The following MAP6 variants were observed in gnomAD, a reference collection of about 807,000 sequenced individuals.
The protein encoded by MAP6 is microtubule associated protein 6.
In MAP6, 26 loss-of-function variants were observed where a neutral mutation model predicts 42.4. The observed-to-expected ratio is 0.61, with a 90% CI of 0.45 to 0.85. The LOEUF is 0.85. Among genes scored for constraint, MAP6 ranks in the 40% least tolerant of loss-of-function variants. MAP6 has a pLI of 0.00. For synonymous variants in MAP6, 418 were observed against 443.8 expected (o/e 0.94, Z 0.73); for missense variants, 966 against 1,099.0 (o/e 0.88, Z 1.71).
chr11:75,641,347 G>T (rs2135658746), intron 1 of MAP6, among the ~76,000 whole-genome samples: 1 of 121,032 alleles, frequency 8.3e-6, no homozygotes, highest in African/African-American at 3.1e-5. Context: ...GGTGGGGGGA[G>T]GGGGAGGGAT....
chr11:75,657,556 T>C (rs1943772730), intron 1 of MAP6, among the ~76,000 whole-genome samples: 1 of 152,212 alleles, frequency 6.6e-6, no homozygotes. Flanking sequence ...TGGCCAATAA[T>C]TGATAAACCC....
chr11:75,668,489 G>T lies in MAP6; in HGVS notation c.-120C>A, dbSNP rs1944005548. Reference sequence around the variant, plus strand: ...GTGGTTCCCACCGTTTTCTACCCCCGATCAGCCGGAGCTAGTTCGCCCTCC... The same window carrying T: ...GTGGTTCCCACCGTTTTCTACCCCCTATCAGCCGGAGCTAGTTCGCCCTCC... On this transcript the variant is annotated 5_prime_UTR_variant, in exon 1 of 4. Transcript: ENST00000304771. The T allele has an allele frequency of 1.5e-6, 2 of 1,367,818 alleles. No individual in the cohort carries two copies. Among genetic ancestry groups the T allele is most frequent in the Admixed American group, 2.6e-5 (1 of 38,888 alleles). The allele number at this position is 1,367,818 out of a possible 1,614,324, so 84.7% of individuals were successfully genotyped here. A position where few individuals can be genotyped will look rare whatever the true frequency, so the allele number is the denominator to read the frequency against.
At position 75,668,053 on chromosome 11, in the gene MAP6, G is replaced by A; in HGVS notation, c.317C>T (p.Pro106Leu). Residue 106 changes from proline (P) to leucine (L), a missense_variant, in exon 1 of 4, where the codon CCG becomes CTG. Transcript: ENST00000304771. ...GGAGGTGGAGCCGGAGCCCAGGCCC[G>A]GGCCCGGCCCGCTCCGGCCGGGGCC... ...AAGPGRSGPGPGLGSGSTSGP... is the reference protein window; with the variant it reads ...AAGPGRSGPGLGLGSGSTSGP... The A allele has an allele frequency of 8.2e-7, 1 of 1,225,500 alleles. No homozygotes were observed. The highest frequency in any genetic ancestry group is 4.0e-5 in the South Asian group (1 of 25,096). The allele number at this position is 1,225,500 out of a possible 1,614,324, so 75.9% of individuals were successfully genotyped here. A position where few individuals can be genotyped will look rare whatever the true frequency, so the allele number is the denominator to read the frequency against.
chr11:75,655,755 G>A (rs1477841996), intron 1 of MAP6, among the ~76,000 whole-genome samples: 1 of 152,246 alleles, frequency 6.6e-6, no homozygotes, highest in East Asian at 1.9e-4. Context: ...AGAATGGCAT[G>A]TTGGACTAGG....
At chr11:75,650,093 G>A (rs1223422552) in intron 1 of MAP6, among the ~76,000 whole-genome samples, 4 of 152,132 alleles carry the variant, frequency 2.6e-5, no homozygotes, top group African/African-American at 9.7e-5. Context: ...GCTCCTTCCT[G>A]TGTTCCCCAC....
At chr11:75,622,271 G>A (rs990459366) in intron 1 of MAP6, among the ~76,000 whole-genome samples, 1 of 152,018 alleles carries the variant, frequency 6.6e-6, no homozygotes, top group Admixed American at 6.5e-5. Context: ...AAGAGACAAG[G>A]TCTCACTCTG....
chr11:75,613,709 G>A (rs575954427), intron 1 of MAP6, among the ~76,000 whole-genome samples: 1 of 152,176 alleles, frequency 6.6e-6, no homozygotes, highest in Non-Finnish European at 1.5e-5. Context: ...GATATCCCCC[G>A]GTGGGTGGGT....
At chr11:75,600,513 C>T (rs1053488848) in intron 3 of MAP6, among the ~76,000 whole-genome samples, 3 of 152,224 alleles carry the variant, frequency 2.0e-5, no homozygotes, top group Non-Finnish European at 4.4e-5. Flanking sequence ...AACACATGCC[C>T]GGTTCTGTGA....
At chr11:75,588,671 A>G (rs1053401735) in intron 3 of MAP6, among the ~76,000 whole-genome samples, 2 of 151,702 alleles carry the variant, frequency 1.3e-5, no homozygotes, top group African/African-American at 4.9e-5. Flanking sequence ...TGACTCCCTG[A>G]CCCCCTTGTT....
At chr11:75,635,540 T>G (rs1943354564) in intron 1 of MAP6, among the ~76,000 whole-genome samples, 2 of 152,242 alleles carry the variant, frequency 1.3e-5, no homozygotes, top group Admixed American at 1.3e-4. Context: ...TAAAACACTT[T>G]CAATTAGTTT....
At chr11:75,604,385 C>T in intron 3 of MAP6, 1 of 985,454 alleles carries the variant, frequency 1.0e-6, no homozygotes, top group Non-Finnish European at 1.2e-6. Flanking sequence ...AGGTAAGGAA[C>T]TGTGAGACCC....
At position 75,587,923 on chromosome 11, in the gene MAP6, G is replaced by A. The variant is rs1942392722; in HGVS notation, c.1578C>T (p.Val526=). Residue 526 remains valine (V), a synonymous_variant, in exon 4 of 4, where the codon GTC becomes GTT. Coordinates refer to ENST00000304771, the MANE Select transcript of MAP6 (RefSeq NM_033063.2). ...KNESPVISAP[V]KDQGPSVPVP... ...CTGGGACCGAGGGACCTTGGTCCTT[G>A]ACTGGTGCTGAGATAACAGGGCTTT... 6.2e-7 allele frequency: 1 copy of A among 1,614,156 alleles called. No individual in the cohort carries two copies. The highest frequency in any genetic ancestry group is 1.7e-5 in the Admixed American group (1 of 60,026).
intron 1 of MAP6, among the ~76,000 whole-genome samples, chr11:75,647,489 A>G (rs1943581139): frequency 1.3e-5 from 2 of 152,086 alleles, no homozygotes; most frequent in Non-Finnish European, 2.9e-5. Context: ...ATTAGAATTA[A>G]TAAAAGAATT....
At position 75,628,437 on chromosome 11, in the gene MAP6, T is replaced by G. The variant is rs543819631; in HGVS notation, c.906-20115A>C. ...ACCTGCTGGGGGACATCAGTCACCA[T>G]GGCCACACGGGTCCAAGCGAGAGCT... On this transcript the variant is annotated intron_variant, in intron 1 of 3. Coordinates refer to ENST00000304771, the MANE Select transcript of MAP6 (RefSeq NM_033063.2). Among the ~76,000 whole-genome samples, 5 of 152,308 alleles carry G rather than the reference T, an allele frequency of 3.3e-5. No homozygotes were observed. In the South Asian group the frequency reaches 1.0e-3, roughly 32 times the overall value.
intron 3 of MAP6, among the ~76,000 whole-genome samples, chr11:75,595,413 G>C (rs928878863): frequency 6.6e-6 from 1 of 152,188 alleles, no homozygotes; most frequent in Admixed American, 6.5e-5. Flanking sequence ...TTCAGACTTG[G>C]TTCCCAGAGC....
chr11:75,602,966 G>A (rs1049247297), intron 3 of MAP6: 1 of 985,800 alleles, frequency 1.0e-6, no homozygotes, highest in Non-Finnish European at 1.2e-6. Flanking sequence ...GGCTATACAT[G>A]AATATTTTTG....
chr11:75,639,206 A>G (rs1270450468), intron 1 of MAP6, among the ~76,000 whole-genome samples: 2 of 152,168 alleles, frequency 1.3e-5, no homozygotes, highest in African/African-American at 2.4e-5. Flanking sequence ...AATATACGCT[A>G]TTTGGGTGAT....
At position 75,659,627 on chromosome 11, in the gene MAP6, G is replaced by A. The variant is rs371036987; in HGVS notation, c.905+7838C>T. On this transcript the variant is annotated intron_variant, in intron 1 of 3. Coordinates refer to ENST00000304771, the MANE Select transcript of MAP6 (RefSeq NM_033063.2). ...TATTAGTATTATTATTTCTCATGGTGAAACTAGAAGTTTTTAGTTTGCTGG... is the reference window on the plus strand; with the variant it reads ...TATTAGTATTATTATTTCTCATGGTAAAACTAGAAGTTTTTAGTTTGCTGG... 7.2e-5 allele frequency among the ~76,000 whole-genome samples: 11 copies of A among 152,318 alleles called. No individual in the cohort carries two copies. The South Asian group carries it at 1.7e-3, about 23-fold the overall frequency.
rs1331915473 is a variant in MAP6, at chr11:75,667,861, TC to T, written c.508del (p.Asp170ThrfsTer128). ...CACGGGCTTGGGGATCCACGGGTGG[TC>T]CCCGCGGCGCGGCAGCGGCCAGGCG... ...FRAWPLPRRG[D>X]HPWIPKPVQI... On this transcript the variant is annotated frameshift_variant, in exon 1 of 4. Transcript: ENST00000304771. LOFTEE classifies it high-confidence loss of function. This position sits in a 1 kb window ranked among gnomAD's most constrained non-coding sequence, Gnocchi z 5.6. The T allele has an allele frequency of 5.6e-6, 8 of 1,439,630 alleles. No homozygotes were observed. Among genetic ancestry groups the T allele is most frequent in the South Asian group, 2.8e-5 (2 of 70,940 alleles). 89.2% of individuals were successfully genotyped at this position (1,439,630 alleles called of 1,614,324 possible).
Sources: gnomAD v4.1 joint callset for allele counts (sites outside exome capture counted in the v4.1 genomes callset) on GRCh38, gnomAD v4.1.1 for gene constraint, Gnocchi (gnomAD v3.1) non-coding constraint, MANE v1.5 for transcripts, NCBI Gene and HGNC (gene_info 2026-07-23, HGNC 2026-07-21) for gene names.